NUGGC: variants seen among roughly 807,000 people sequenced by gnomAD.
The protein encoded by NUGGC is nuclear GTPase SLIP-GC.
Under a neutral mutation model 92.6 loss-of-function variants are expected in NUGGC, and 58 were observed. That is an observed-to-expected ratio of 0.63 (90% CI 0.51 to 0.78). The LOEUF is 0.78. Among genes scored for constraint, NUGGC ranks in the 30% least tolerant of loss-of-function variants. The pLI is 0.00. For missense variants in NUGGC, 925 were observed against 964.6 expected, an observed-to-expected ratio of 0.96 and a Z score of 0.54; for synonymous variants, 376 against 366.4, an observed-to-expected ratio of 1.03 and a Z score of -0.30.
chr8:28,046,972 T>G (rs1351852468), intron 11 of NUGGC, among the ~76,000 whole-genome samples: 2 of 150,858 alleles, frequency 1.3e-5, no homozygotes, highest in Non-Finnish European at 2.9e-5. Flanking sequence ...CCTGGCTTTT[T>G]TTGTTGTTGT....
intron 9 of NUGGC, among the ~76,000 whole-genome samples, chr8:28,057,488 C>T (rs1316260265): frequency 1.3e-5 from 2 of 151,878 alleles, no homozygotes; most frequent in East Asian, 3.9e-4. Flanking sequence ...ATTACAGGTC[C>T]ATTCCACCAG....
chr8:28,060,653 C>G, intron 7 of NUGGC, 52 bp from the exon 8 acceptor site: 1 of 1,542,114 alleles, frequency 6.5e-7, no homozygotes, highest in Admixed American at 1.9e-5. Context: ...GTCACAGTTC[C>G]TGAGGACCGG....
chr8:28,069,192 T>A (rs1431235135), intron 4 of NUGGC, among the ~76,000 whole-genome samples: 1 of 151,938 alleles, frequency 6.6e-6, no homozygotes, highest in Non-Finnish European at 1.5e-5. Flanking sequence ...GAGCTCAGAG[T>A]CACACAGCCT....
At chr8:28,038,329 A>G (rs888825060) in intron 13 of NUGGC, among the ~76,000 whole-genome samples, 4 of 152,246 alleles carry the variant, frequency 2.6e-5, no homozygotes, top group African/African-American at 9.6e-5. Flanking sequence ...GCAGGGATGT[A>G]TCTTTCTATC....
Position 28,047,599 on chromosome 8 carries a change from G to A in NUGGC, c.1220C>T (p.Ala407Val). 2 of 1,556,024 alleles carry A rather than the reference G, an allele frequency of 1.3e-6. No homozygotes were observed. The highest frequency in any genetic ancestry group is 1.7e-6 in the Non-Finnish European group (2 of 1,148,518). ...LKEKLKRKLP[A>V]DFKVLEASDL... ...TGAGGCTTCCAGAACCTTGAAGTCA[G>A]CTGGCAGTTTTCTCTGAAGTGAGAG... Residue 407 changes from alanine to valine, a missense_variant, in exon 11 of 19, where the codon GCT (alanine) becomes GTT (valine). By Grantham distance (64) the Ala-to-Val change is moderately conservative. Transcript: ENST00000413272.
intron 16 of NUGGC, among the ~76,000 whole-genome samples, chr8:28,029,783 TAGAA>T (rs1809367024): frequency 6.6e-6 from 1 of 151,860 alleles, no homozygotes; most frequent in South Asian, 2.1e-4. Context: ...CCTTTGGCCT[TAGAA>T]AGAAAAGCAA....
chr8:28,077,530 G>GCACTC (rs1341083542), intron 1 of NUGGC, among the ~76,000 whole-genome samples: 2 of 151,912 alleles, frequency 1.3e-5, no homozygotes, highest in African/African-American at 2.4e-5. Context: ...TTGCACCACT[G>GCACTC]CACTCCAGCC....
In NUGGC at chr8:28,079,977, T is replaced by C. The variant is rs117397857; in HGVS notation, c.-47+3798A>G. ...GTTTTGAGATGGAGTTTTTGCTCTA[T>C]CGCCCAGGCTGGAGTGCAGTGGCAC... is the stretch of plus-strand genomic sequence containing the variant. On this transcript the variant is annotated intron_variant, in intron 1 of 18. Transcript: ENST00000413272. 4.0e-4 allele frequency among the ~76,000 whole-genome samples: 61 copies of C among 152,288 alleles called. 2 individuals are homozygous for C. The East Asian group carries it at 9.8e-3, about 25-fold the overall frequency.
intron 10 of NUGGC, among the ~76,000 whole-genome samples, chr8:28,054,681 G>A (rs568606489): frequency 2.0e-5 from 3 of 152,176 alleles, no homozygotes; most frequent in Non-Finnish European, 1.5e-5. Flanking sequence ...CTGTGTGAAC[G>A]GTGTTCTTGC....
chr8:28,058,191 C>CA (rs1393375111), intron 9 of NUGGC, 67 bp downstream of exon 9: 5 of 276,976 alleles, frequency 1.8e-5, no homozygotes, highest in Non-Finnish European at 2.7e-5. Context: ...GACTCTGTCT[C>CA]AAAAAAATAA....
Position 28,067,673 on chromosome 8 carries a change from T to C in NUGGC, c.552A>G (p.Ala184=). 6.2e-7 allele frequency: 1 copy of C among 1,614,062 alleles called. No individual in the cohort carries two copies. The highest frequency in any genetic ancestry group is 8.5e-7 in the Non-Finnish European group (1 of 1,179,878). ...HRTEELSREE[A]DAWNRDEAVE... The stretch of plus-strand genomic sequence containing the variant: ...CTGCCTCATCCCTGTTCCACGCATC[T>C]GCCTCTTCTCTGCTCAGCTCCTCCG... Residue 184 remains alanine, a synonymous_variant, in exon 6 of 19, where the codon GCA becomes GCG. Coordinates refer to ENST00000413272, the MANE Select transcript of NUGGC (RefSeq NM_001010906.2).
intron 3 of NUGGC, chr8:28,069,997 C>T: frequency 3.3e-6 from 2 of 611,780 alleles, no homozygotes; most frequent in Non-Finnish European, 4.1e-6. Context: ...CACGGAAGCA[C>T]CAACCTCATC....
intron 7 of NUGGC, among the ~76,000 whole-genome samples, chr8:28,063,628 G>A (rs1339060016): frequency 6.6e-6 from 1 of 152,186 alleles, no homozygotes; most frequent in Non-Finnish European, 1.5e-5. Flanking sequence ...CCAAGGCTGT[G>A]TGGTCCTGGA....
chr8:28,030,281 G>T (rs1364023567), intron 16 of NUGGC, 29 bp downstream of exon 16: 1 of 1,215,182 alleles, frequency 8.2e-7, no homozygotes, highest in East Asian at 2.5e-5. Flanking sequence ...CCCAGAGCAG[G>T]CAGAAATGCT....
intron 9 of NUGGC, among the ~76,000 whole-genome samples, chr8:28,057,320 A>G (rs1201255220): frequency 1.6e-5 from 2 of 122,856 alleles, no homozygotes; most frequent in African/African-American, 6.2e-5. Context: ...CTTCCTTATG[A>G]TTTTCTTTCC....
intron 5 of NUGGC, 38 bp from the exon 6 acceptor site, chr8:28,067,782 A>C (rs1810478904): frequency 6.6e-7 from 1 of 1,505,688 alleles, no homozygotes; most frequent in Non-Finnish European, 9.2e-7. Flanking sequence ...CTCTTGACAC[A>C]GACACAGAGA....
At chr8:28,031,085 A>G (rs1481210151) in intron 15 of NUGGC, among the ~76,000 whole-genome samples, 158 bp downstream of exon 15, 2 of 152,064 alleles carry the variant, frequency 1.3e-5, no homozygotes, top group Non-Finnish European at 2.9e-5. Context: ...CCGTCCCCAC[A>G]TCCCACTGGG....
rs559034911 is a variant in NUGGC at position 28,070,503 on chromosome 8, A to C, written c.44-147T>G. ...TGTAATCTGAAGCATGAGGGATTAC[A>C]TGCCTGGGAGGCCAAGGTGGGAGGA... On this transcript the variant is annotated intron_variant, in intron 2 of 18. Transcript: ENST00000413272. 6 of 561,126 alleles carry C rather than the reference A, an allele frequency of 1.1e-5. No individual in the cohort carries two copies. The African/African-American group carries it at 1.1e-4, about 11-fold the overall frequency. The allele number at this position is 561,126 out of a possible 1,614,324, so 34.8% of individuals were successfully genotyped here. A position where few individuals can be genotyped will look rare whatever the true frequency, so the allele number is the denominator to read the frequency against.
intron 13 of NUGGC, among the ~76,000 whole-genome samples, chr8:28,034,100 G>A (rs765616271): frequency 6.6e-6 from 1 of 152,162 alleles, no homozygotes; most frequent in African/African-American, 2.4e-5. Context: ...ATTATTGAAC[G>A]ACTAAATAAA....
Sources: allele counts gnomAD v4.1 joint callset (sites outside exome capture counted in the v4.1 genomes callset), GRCh38; gene constraint gnomAD v4.1.1; transcripts MANE v1.5; gene names NCBI Gene and HGNC (gene_info 2026-07-23, HGNC 2026-07-21).